Variants in NEBL observed in about 807,000 individuals in gnomAD.
NEBL encodes LIM and SH3 protein 2.
Under a neutral mutation model 140.2 loss-of-function variants are expected in NEBL, and 122 were observed. That is an observed-to-expected ratio of 0.87 (90% CI 0.75 to 1.01). NEBL has a LOEUF of 1.01. NEBL is among the 50% of genes least tolerant of loss of function. The pLI is 0.00. For missense variants in NEBL, 1,365 were observed against 1,231.3 expected (o/e 1.11, Z -1.62); for synonymous variants, 436 against 398.9 (o/e 1.09, Z -1.11).
intron 17 of NEBL, among the ~76,000 whole-genome samples, chr10:20,827,576 G>C (rs1839994861): frequency 6.6e-6 from 1 of 152,118 alleles, no homozygotes; most frequent in Non-Finnish European, 1.5e-5. Flanking sequence ...TACAATTTTA[G>C]AACAGAAGTC....
At chr10:21,009,095 A>G (rs896307687) in intron 3 of NEBL, among the ~76,000 whole-genome samples, 2 of 152,170 alleles carry the variant, frequency 1.3e-5, no homozygotes, top group Admixed American at 6.5e-5. Context: ...TCTCTGTCCA[A>G]TAGCAGAAAT....
intron 4 of NEBL, among the ~76,000 whole-genome samples, chr10:20,948,979 G>A (rs1453752997): frequency 1.3e-5 from 2 of 152,134 alleles, no homozygotes; most frequent in African/African-American, 4.8e-5. Flanking sequence ...CTACACATAC[G>A]TGGCAAACAC....
intron 2 of NEBL, among the ~76,000 whole-genome samples, chr10:21,041,706 T>C (rs1258975459): frequency 1.3e-5 from 2 of 152,170 alleles, no homozygotes; most frequent in Non-Finnish European, 2.9e-5. Flanking sequence ...AGCTACTCCA[T>C]AGGCAGAGCA....
rs75677374 is a variant in NEBL, at chr10:21,104,985, T to C, written c.164+67398A>G. ...TTCTACACCAATTAAGATAAACATA[T>C]TGTTTTTCCTTTTTAGTCTGCTGAT... On this transcript the variant is annotated intron_variant, in intron 2 of 6. Coordinates refer to the NEBL transcript ENST00000417816. Among the ~76,000 whole-genome samples, 699 of 152,344 alleles carry C rather than the reference T, an allele frequency of 4.6e-3. 2 individuals carry two copies. Among genetic ancestry groups the C allele is most frequent in the Non-Finnish European group, 8.1e-3 (549 of 68,034 alleles).
rs145507923 is a variant in NEBL at position 21,243,456 on chromosome 10, G to A, written n.348+4465C>T. Among the ~76,000 whole-genome samples, 837 of 152,012 alleles carry A rather than the reference G, an allele frequency of 5.5e-3. 7 individuals are homozygous for A. The highest frequency in any genetic ancestry group is 0.018 in the African/African-American group (729 of 41,462). On this transcript the variant is annotated intron_variant and non_coding_transcript_variant, in intron 3 of 8. Transcript: ENST00000675702. ...GAAGTAGCTGGGATTACAGGTGCAC[G>A]CCATCACGCCTCGCTAATTTTTGTA...
At chr10:20,957,650 A>G (rs1274507255) in intron 4 of NEBL, among the ~76,000 whole-genome samples, 1 of 152,166 alleles carries the variant, frequency 6.6e-6, no homozygotes, top group Non-Finnish European at 1.5e-5. Flanking sequence ...AGATATACGC[A>G]CACACAGACA....
At chr10:21,061,995 T>G (rs532113174) in intron 2 of NEBL, among the ~76,000 whole-genome samples, 1 of 152,348 alleles carries the variant, frequency 6.6e-6, no homozygotes, top group South Asian at 2.1e-4. Flanking sequence ...AATTTCCTAC[T>G]GCCCAACACG....
chr10:20,831,899 A>G (rs1840454980), intron 14 of NEBL, among the ~76,000 whole-genome samples: 1 of 152,166 alleles, frequency 6.6e-6, no homozygotes, highest in Non-Finnish European at 1.5e-5. Flanking sequence ...TGGCTTAGTT[A>G]AGTGTCAGTC....
intron 2 of NEBL, among the ~76,000 whole-genome samples, chr10:21,071,426 G>A (rs1218404930): frequency 1.3e-5 from 2 of 151,876 alleles, no homozygotes; most frequent in East Asian, 3.9e-4. Flanking sequence ...CCTACAAAAG[G>A]ACTTTTCAAA....
chr10:20,973,952 G>A (rs1234541168), intron 3 of NEBL, among the ~76,000 whole-genome samples: 1 of 152,178 alleles, frequency 6.6e-6, no homozygotes, highest in Non-Finnish European at 1.5e-5. Flanking sequence ...GACCAAGCAG[G>A]CACACTTCTG....
At chr10:20,823,004 TA>T (rs1361288734) in intron 19 of NEBL, among the ~76,000 whole-genome samples, 1 of 152,086 alleles carries the variant, frequency 6.6e-6, no homozygotes, top group Non-Finnish European at 1.5e-5. Flanking sequence ...TATGTGTCTT[TA>T]ATAAATAAAT....
intron 3 of NEBL, among the ~76,000 whole-genome samples, chr10:20,965,517 G>A (rs777239246): frequency 2.0e-4 from 30 of 152,158 alleles, no homozygotes; most frequent in East Asian, 1.9e-4. Context: ...AAGGAAGGCC[G>A]CTCTGTCTGG....
intron 26 of NEBL, among the ~76,000 whole-genome samples, chr10:20,788,001 A>T (rs1272268423): frequency 2.6e-5 from 4 of 152,188 alleles, no homozygotes; most frequent in Non-Finnish European, 5.9e-5. Flanking sequence ...CTTCTATATT[A>T]AAAAAGTATC....
chr10:21,265,314 T>C (rs1370609495), intron 1 of NEBL, among the ~76,000 whole-genome samples: 1 of 152,120 alleles, frequency 6.6e-6, no homozygotes, highest in Non-Finnish European at 1.5e-5. Flanking sequence ...ACATCAGTTA[T>C]TAGGTTCTAA....
chr10:21,024,069 A>G (rs759836841), intron 2 of NEBL, among the ~76,000 whole-genome samples: 12 of 113,292 alleles, frequency 1.1e-4, no homozygotes, highest in South Asian at 4.7e-4. Context: ...TACTCTGGGG[A>G]AAAAAAAAAA....
At chr10:21,204,975 C>G (rs1841803299) in intron 3 of NEBL, among the ~76,000 whole-genome samples, 1 of 152,186 alleles carries the variant, frequency 6.6e-6, no homozygotes, top group Admixed American at 6.5e-5. Context: ...AGGGTCCTGC[C>G]CTCCAAGGAT....
chr10:20,805,033 G>C lies in NEBL; in HGVS notation c.2761+3477C>G, dbSNP rs577088477. ...CTGACATAAGGGTAGCAACAATGGAGGTAGGGCCAAGCACTCAGATTCTGG... is the reference window on the plus strand; with the variant it reads ...CTGACATAAGGGTAGCAACAATGGACGTAGGGCCAAGCACTCAGATTCTGG... On this transcript the variant is annotated intron_variant, in intron 26 of 27. Coordinates refer to ENST00000377122, the MANE Select transcript of NEBL (RefSeq NM_006393.3). Among the ~76,000 whole-genome samples, 35 of 152,262 alleles carry C rather than the reference G, an allele frequency of 2.3e-4. 1 individual carries two copies. In the East Asian group the frequency reaches 3.1e-3, roughly 13 times the overall value.
chr10:21,197,214 T>A (rs1003457424), intron 3 of NEBL, among the ~76,000 whole-genome samples: 1 of 152,230 alleles, frequency 6.6e-6, no homozygotes, highest in East Asian at 1.9e-4. Context: ...TATGAGGTTG[T>A]TTAAACATAC....
chr10:21,090,855 T>C (rs1370821061), intron 2 of NEBL, among the ~76,000 whole-genome samples: 1 of 152,146 alleles, frequency 6.6e-6, no homozygotes, highest in African/African-American at 2.4e-5. Context: ...TACTGAGCTT[T>C]AGAAACACAT....
Sources: allele counts gnomAD v4.1 joint callset (sites outside exome capture counted in the v4.1 genomes callset), GRCh38; gene constraint gnomAD v4.1.1; transcripts MANE v1.5; gene names NCBI Gene and HGNC (gene_info 2026-07-23, HGNC 2026-07-21).